The following STK3 variants were observed in gnomAD, a reference collection of about 807,000 sequenced individuals.
STK3 encodes serine/threonine-protein kinase 3.
Under a neutral mutation model 58.0 loss-of-function variants are expected in STK3, and 41 were observed. The observed-to-expected ratio is 0.71, with a 90% CI of 0.55 to 0.92. The LOEUF (loss-of-function observed/expected upper bound fraction) is 0.92. Among genes scored for constraint, STK3 ranks in the 40% least tolerant of loss-of-function variants. The pLI, the probability that STK3 is intolerant of heterozygous loss-of-function variation, is 0.00. For missense variants in STK3, 479 were observed against 602.7 expected, an observed-to-expected ratio of 0.79 and a Z score of 2.15; for synonymous variants, 170 against 191.0, an observed-to-expected ratio of 0.89 and a Z score of 0.91.
intron 6 of STK3, 63 bp from the exon 7 acceptor site, chr8:98,596,232 T>C: frequency 6.7e-7 from 1 of 1,499,232 alleles, no homozygotes; most frequent in Non-Finnish European, 9.0e-7. Flanking sequence ...AATAAACAAA[T>C]CTCTTTATCT....
At chr8:98,484,969 G>C (rs1222739138) in intron 10 of STK3, among the ~76,000 whole-genome samples, 1 of 152,138 alleles carries the variant, frequency 6.6e-6, no homozygotes, top group Admixed American at 6.5e-5. Flanking sequence ...GCCGGGTACG[G>C]TGGCTCACGC....
chr8:98,774,865 C>T lies in STK3; in HGVS notation c.27-46G>A, dbSNP rs530360609. The T allele has an allele frequency of 5.8e-6, 8 of 1,380,600 alleles. No individual in the cohort carries two copies. The East Asian group carries it at 1.8e-4, about 31-fold the overall frequency. The allele number at this position is 1,380,600 out of a possible 1,614,324, so 85.5% of individuals were successfully genotyped here. A position where few individuals can be genotyped will look rare whatever the true frequency, so the allele number is the denominator to read the frequency against. The stretch of plus-strand genomic sequence containing the variant: ...GAAAGAAAATATTTTCTTTAAAGAC[C>T]TTTTACAAAATTTTTAATTTTTAAA... On this transcript the variant is annotated intron_variant, in intron 1 of 10. Coordinates refer to ENST00000419617, the MANE Select transcript of STK3 (RefSeq NM_006281.4).
In STK3 at chr8:98,496,698, T is replaced by C. The variant is rs575150236; in HGVS notation, c.1317+30044A>G. Among the ~76,000 whole-genome samples the C allele has an allele frequency of 3.5e-4, 53 of 152,274 alleles. 1 individual carries two copies. Among genetic ancestry groups the C allele is most frequent in the Admixed American group, 3.0e-3 (46 of 15,288 alleles). ...TTGATGAACCTTGAGGATATTATGCTAAGTAGAATAAACCAGTCACAAAAG... is the reference window on the plus strand; with the variant it reads ...TTGATGAACCTTGAGGATATTATGCCAAGTAGAATAAACCAGTCACAAAAG... On this transcript the variant is annotated intron_variant, in intron 10 of 10. Coordinates refer to ENST00000419617, the MANE Select transcript of STK3 (RefSeq NM_006281.4).
At chr8:98,911,411 G>C (rs1839128030) in intron 1 of STK3, among the ~76,000 whole-genome samples, 1 of 151,536 alleles carries the variant, frequency 6.6e-6, no homozygotes, top group Admixed American at 6.6e-5. Context: ...TATTTATTTT[G>C]GAGAGAGGGT....
At chr8:98,485,778 A>G (rs1822208627) in intron 10 of STK3, among the ~76,000 whole-genome samples, 1 of 152,208 alleles carries the variant, frequency 6.6e-6, no homozygotes, top group Non-Finnish European at 1.5e-5. Flanking sequence ...GCAGGAATAG[A>G]AGATGAGCCT....
intron 10 of STK3, among the ~76,000 whole-genome samples, chr8:98,478,339 G>T (rs1821543824): frequency 6.6e-6 from 1 of 152,172 alleles, no homozygotes; most frequent in Admixed American, 6.5e-5. Context: ...TGGGGTGGAA[G>T]AAGGGGAGTT....
intron 6 of STK3, among the ~76,000 whole-genome samples, chr8:98,640,239 G>A (rs1200509979): frequency 2.0e-5 from 3 of 151,928 alleles, no homozygotes; most frequent in African/African-American, 4.8e-5. Flanking sequence ...CTGTAGACAC[G>A]GGGTTTCACC....
chr8:98,644,699 G>A (rs1820270537), intron 6 of STK3, among the ~76,000 whole-genome samples: 1 of 151,838 alleles, frequency 6.6e-6, no homozygotes, highest in African/African-American at 2.4e-5. Flanking sequence ...GTCAATGAAG[G>A]CATATGACTC....
chr8:98,801,260 G>C (rs1336740164), intron 1 of STK3, among the ~76,000 whole-genome samples: 1 of 152,036 alleles, frequency 6.6e-6, no homozygotes. Context: ...AGACCAATCA[G>C]CTCTCTATAA....
chr8:98,473,167 T>C (rs1305696564), intron 10 of STK3, among the ~76,000 whole-genome samples: 3 of 152,260 alleles, frequency 2.0e-5, no homozygotes, highest in Non-Finnish European at 4.4e-5. Context: ...TGATTCTAAA[T>C]CACAAGAGCC....
chr8:98,887,978 G>T (rs1377902865), intron 1 of STK3, among the ~76,000 whole-genome samples: 1 of 152,176 alleles, frequency 6.6e-6, no homozygotes, highest in Non-Finnish European at 1.5e-5. Flanking sequence ...ATGCTGGGGG[G>T]AAGCAGAGGG....
intron 6 of STK3, among the ~76,000 whole-genome samples, chr8:98,617,937 G>C (rs1343831482): frequency 2.6e-5 from 4 of 152,156 alleles, no homozygotes; most frequent in African/African-American, 4.8e-5. Context: ...AATAGAAAAA[G>C]AGGGAATCCT....
At chr8:98,585,637 T>A (rs562051726) in intron 7 of STK3, among the ~76,000 whole-genome samples, 1 of 150,796 alleles carries the variant, frequency 6.6e-6, no homozygotes, top group Admixed American at 6.6e-5. Context: ...GTGAAGAAAG[T>A]CATTGGTAGC....
downstream of STK3, among the ~76,000 whole-genome samples, chr8:98,370,201 C>T (rs1172616924): frequency 6.6e-6 from 1 of 151,698 alleles, no homozygotes; most frequent in African/African-American, 2.4e-5. Flanking sequence ...CCTGGGCCTC[C>T]CAGGTCTTTA....
intron 3 of STK3, among the ~76,000 whole-genome samples, chr8:98,418,415 G>A (rs1233900088): frequency 6.6e-6 from 1 of 152,242 alleles, no homozygotes; most frequent in Non-Finnish European, 1.5e-5. Context: ...GGCCCTGGAA[G>A]TAACCATGGA....
intron 1 of STK3, 118 bp downstream of exon 1, chr8:98,825,397 C>T: frequency 6.2e-6 from 6 of 968,974 alleles, no homozygotes; most frequent in Non-Finnish European, 8.1e-6. Context: ...GACCTCAGCG[C>T]GCCCGGCTCG....
At chr8:98,745,876 A>G (rs1288009563) in intron 4 of STK3, among the ~76,000 whole-genome samples, 1 of 152,236 alleles carries the variant, frequency 6.6e-6, no homozygotes, top group Non-Finnish European at 1.5e-5. Flanking sequence ...TGTGAACATC[A>G]CAGAGTGTGT....
At chr8:98,377,538 T>C (rs1244636690) in intron 2 of STK3, among the ~76,000 whole-genome samples, 1 of 151,794 alleles carries the variant, frequency 6.6e-6, no homozygotes, top group Non-Finnish European at 1.5e-5. Context: ...ATATTATAAA[T>C]TTTCATAATA....
At position 98,789,885 on chromosome 8, in the gene STK3, G is replaced by A. The variant is rs569921406; in HGVS notation, c.27-15066C>T. On this transcript the variant is annotated intron_variant, in intron 1 of 10. Transcript: ENST00000419617. ...CTACTTAAAATAGAAAAAAGTAGCT[G>A]GGCGTGGTGGTAAGCAGCTGTAGTC... Among the ~76,000 whole-genome samples the A allele has an allele frequency of 2.6e-5, 4 of 152,198 alleles. No individual in the cohort carries two copies. In the South Asian group the frequency reaches 8.3e-4, roughly 32 times the overall value.
Sources: allele counts gnomAD v4.1 joint callset (sites outside exome capture counted in the v4.1 genomes callset), GRCh38; gene constraint gnomAD v4.1.1; transcripts MANE v1.5; gene names NCBI Gene and HGNC (gene_info 2026-07-23, HGNC 2026-07-21).